Variants in FBLN5 observed in about 807,000 individuals in gnomAD.
FBLN5 encodes the protein fibulin 5.
Under a neutral mutation model 61.6 loss-of-function variants are expected in FBLN5, and 24 were observed. The observed-to-expected ratio is 0.39, with a 90% CI of 0.28 to 0.55. FBLN5 has a LOEUF of 0.55. Ranked by LOEUF, FBLN5 falls within the 20% of genes least tolerant of loss-of-function variation. The probability of loss-of-function intolerance (pLI) is 0.65; values close to 1 mark genes in which losing one functional copy is unlikely to be tolerated. For synonymous variants in FBLN5, 213 were observed against 219.8 expected (o/e 0.97, Z 0.27); for missense variants, 470 against 594.1 (o/e 0.79, Z 2.17).
At chr14:91,914,498 A>C (rs1595330355) in intron 4 of FBLN5, among the ~76,000 whole-genome samples, 1 of 149,250 alleles carries the variant, frequency 6.7e-6, no homozygotes, top group Admixed American at 6.7e-5. Context: ...AAAAAAAAAA[A>C]AAACAACAAA....
intron 4 of FBLN5, among the ~76,000 whole-genome samples, chr14:91,916,524 T>G (rs558324884): frequency 1.3e-5 from 2 of 152,214 alleles, no homozygotes; most frequent in African/African-American, 2.4e-5. Flanking sequence ...CATGGTATTA[T>G]CTACCTGATA....
intron 10 of FBLN5, among the ~76,000 whole-genome samples, chr14:91,876,326 T>C (rs564818290): frequency 6.6e-6 from 1 of 152,308 alleles, no homozygotes; most frequent in Admixed American, 6.5e-5. Context: ...CCATGGACCT[T>C]TTCAATATGG....
intron 4 of FBLN5, among the ~76,000 whole-genome samples, chr14:91,924,720 TTAAA>T (rs1019654044): frequency 3.9e-5 from 6 of 152,228 alleles, no homozygotes; most frequent in East Asian, 1.9e-4. Flanking sequence ...TGGAGAGATG[TTAAA>T]TAAATAATCA....
chr14:91,918,824 TA>T (rs1174611074), intron 4 of FBLN5, among the ~76,000 whole-genome samples: 1 of 152,114 alleles, frequency 6.6e-6, no homozygotes, highest in African/African-American at 2.4e-5. Context: ...GAAAGAGACA[TA>T]AAGATAACAG....
Position 91,881,387 on chromosome 14 carries a change from C to T in FBLN5, c.894G>A (p.Thr298=), listed in dbSNP as rs746630839. The part of the protein sequence containing the change: ...DINECEHRNH[T]CNLQQTCYNL... ...TGTAGCACGTCTGCTGCAGGTTGCA[C>T]GTGTGGTTCCTGTGCTCACATTCGT... The change falls in exon 9 of 11, where the codon ACG becomes ACA. Residue 298 remains threonine (T), a synonymous_variant. Coordinates refer to ENST00000342058, the MANE Select transcript of FBLN5 (RefSeq NM_006329.4). The T allele has an allele frequency of 3.2e-5, 52 of 1,614,060 alleles. No homozygotes were observed. Among genetic ancestry groups the T allele is most frequent in the Middle Eastern group, 3.3e-4 (2 of 6,084 alleles).
At chr14:91,941,951 G>C (rs2056112613) in intron 2 of FBLN5, 1 of 351,398 alleles carries the variant, frequency 2.8e-6, no homozygotes, top group Non-Finnish European at 5.6e-6. Flanking sequence ...AAAATTCTTT[G>C]TTACTCCTCC....
At chr14:91,945,224 G>A (rs1221812492) in intron 1 of FBLN5, among the ~76,000 whole-genome samples, 1 of 143,826 alleles carries the variant, frequency 7.0e-6, no homozygotes, top group African/African-American at 2.6e-5. Context: ...GCGAGACTCC[G>A]TCTCAAAAAA....
intron 6 of FBLN5, 71 bp downstream of exon 6, chr14:91,891,150 G>C: frequency 3.5e-6 from 3 of 867,046 alleles, no homozygotes; most frequent in Non-Finnish European, 6.0e-6. Flanking sequence ...ACAAACATAA[G>C]CTGCCAGGTG....
At chr14:91,908,570 G>C (rs1595321611) in intron 4 of FBLN5, among the ~76,000 whole-genome samples, 1 of 152,362 alleles carries the variant, frequency 6.6e-6, no homozygotes, top group African/African-American at 2.4e-5. Context: ...GAAAGGAGGA[G>C]ACAAGTCAAT....
intron 7 of FBLN5, among the ~76,000 whole-genome samples, chr14:91,886,275 A>C (rs756324402): frequency 1.3e-5 from 2 of 152,240 alleles, no homozygotes; most frequent in Non-Finnish European, 2.9e-5. Flanking sequence ...AATGGAGTGT[A>C]CTTTAATCTA....
chr14:91,893,101 G>A (rs1030080538), intron 5 of FBLN5, among the ~76,000 whole-genome samples: 10 of 151,940 alleles, frequency 6.6e-5, no homozygotes, highest in African/African-American at 2.4e-4. Context: ...CGCCCCTTGT[G>A]GTGGGAAAAA....
chr14:91,917,698 G>C (rs1411606726), intron 4 of FBLN5, among the ~76,000 whole-genome samples: 1 of 151,642 alleles, frequency 6.6e-6, no homozygotes, highest in African/African-American at 2.4e-5. Flanking sequence ...AAAAAGTCCT[G>C]ATGACTAATA....
chr14:91,924,810 A>C (rs895516152), intron 4 of FBLN5, among the ~76,000 whole-genome samples: 1 of 151,990 alleles, frequency 6.6e-6, no homozygotes, highest in African/African-American at 2.4e-5. Context: ...CCCTGAGTCC[A>C]CTCTGAGCTC....
chr14:91,917,761 T>G (rs1891258079), intron 4 of FBLN5, among the ~76,000 whole-genome samples: 1 of 152,184 alleles, frequency 6.6e-6, no homozygotes. Flanking sequence ...AGAGTCCTAA[T>G]GTTGGCATTT....
At chr14:91,921,626 C>G (rs536781980) in intron 4 of FBLN5, among the ~76,000 whole-genome samples, 1 of 152,250 alleles carries the variant, frequency 6.6e-6, no homozygotes, top group East Asian at 1.9e-4. Context: ...ATTTAATGCA[C>G]GCTGAAGACT....
chr14:91,941,070 G>T (rs1168164287), intron 2 of FBLN5, among the ~76,000 whole-genome samples: 1 of 152,150 alleles, frequency 6.6e-6, no homozygotes, highest in African/African-American at 2.4e-5. Flanking sequence ...GCCTAATGTG[G>T]CATGCTCCCT....
chr14:91,939,932 C>T (rs553625004), intron 3 of FBLN5: 4 of 453,454 alleles, frequency 8.8e-6, no homozygotes, highest in Non-Finnish European at 1.3e-5. Context: ...GAAGAAGAGG[C>T]TGATTGGTCA....
chr14:91,883,033 C>G lies in FBLN5; in HGVS notation c.783G>C (p.Glu261Asp). ...CSFSEFLCQH[E>D]CVNQPGTYFC... is the part of the protein sequence containing the mutation. The stretch of plus-strand genomic sequence containing the variant: ...AGTATGTGCCGGGCTGGTTCACACA[C>G]TCATGTTGGCAGAGGAACTCAGAGA... The change falls in exon 8 of 11, where the codon GAG becomes GAC. Residue 261 changes from glutamate (E) to aspartate (D), a missense_variant. By Grantham distance (45) the Glu-to-Asp change is conservative (BLOSUM62 2). Coordinates refer to ENST00000342058, the MANE Select transcript of FBLN5 (RefSeq NM_006329.4). The G allele has an allele frequency of 6.2e-7, 1 of 1,614,152 alleles. No homozygotes were observed. Among genetic ancestry groups the G allele is most frequent in the Non-Finnish European group, 8.5e-7 (1 of 1,179,980 alleles).
intron 10 of FBLN5, among the ~76,000 whole-genome samples, chr14:91,875,427 C>T (rs1459030149): frequency 6.6e-6 from 1 of 152,178 alleles, no homozygotes; most frequent in Non-Finnish European, 1.5e-5. Context: ...CTGTATGAGA[C>T]ATAGCCCCAG....
Sources: allele counts gnomAD v4.1 joint callset (sites outside exome capture counted in the v4.1 genomes callset), GRCh38; gene constraint gnomAD v4.1.1; transcripts MANE v1.5; gene names NCBI Gene and HGNC (gene_info 2026-07-23, HGNC 2026-07-21).